Variants in ALMS1 observed in about 807,000 individuals in gnomAD.
The protein encoded by ALMS1 is ALMS1 centrosome and basal body associated protein, also known as centrosome-associated protein ALMS1.
Under a neutral mutation model 352.2 loss-of-function variants are expected in ALMS1, and 271 were observed. The ratio of observed to expected loss-of-function variants is 0.77; its 90% CI spans 0.70 to 0.85. The LOEUF (loss-of-function observed/expected upper bound fraction) is 0.85. Ranked by LOEUF, ALMS1 falls within the 40% of genes least tolerant of loss-of-function variation. ALMS1 has a pLI of 0.00. For missense variants in ALMS1, 5,445 were observed against 4,870.7 expected, an observed-to-expected ratio of 1.12 and a Z score of -3.51; for synonymous variants, 1,865 against 1,761.2, an observed-to-expected ratio of 1.06 and a Z score of -1.48.
chr2:73,597,802 A>C (rs1303217313), intron 16 of ALMS1, among the ~76,000 whole-genome samples: 1 of 149,790 alleles, frequency 6.7e-6, no homozygotes, highest in South Asian at 2.1e-4. Context: ...TTTTCCCTGC[A>C]TCAAAGTTGC....
chr2:73,557,486 A>G (rs1452914117), intron 14 of ALMS1, 132 bp downstream of exon 14: 2 of 1,165,090 alleles, frequency 1.7e-6, no homozygotes, highest in African/African-American at 1.5e-5. Context: ...TATCTCATGT[A>G]TATATGAAAT....
intron 1 of ALMS1, among the ~76,000 whole-genome samples, chr2:73,394,236 C>T (rs927790432): frequency 1.3e-5 from 2 of 152,180 alleles, no homozygotes; most frequent in Admixed American, 1.3e-4. Context: ...CTTGCAATTC[C>T]ATATGAATTT....
rs142988735 is a variant in ALMS1 at position 73,540,045 on chromosome 2, G to C, written c.9907+5096G>C. 5.8e-3 allele frequency among the ~76,000 whole-genome samples: 883 copies of C among 152,252 alleles called. 11 individuals are homozygous for C. Among genetic ancestry groups the C allele is most frequent in the African/African-American group, 0.02 (843 of 41,536 alleles). The stretch of plus-strand genomic sequence containing the variant: ...ATGCCACAAAGATGCTCCTCGAGAA[G>C]AGCAACTCCAAGACACATAATTGTC... On this transcript the variant is annotated intron_variant, in intron 12 of 22. Coordinates refer to ENST00000613296, the MANE Select transcript of ALMS1 (RefSeq NM_001378454.1).
chr2:73,418,095 A>G (rs1397133280), intron 2 of ALMS1, among the ~76,000 whole-genome samples: 1 of 152,050 alleles, frequency 6.6e-6, no homozygotes, highest in East Asian at 1.9e-4. Context: ...TAAGACTTTT[A>G]ATTTCATTTT....
intron 13 of ALMS1, among the ~76,000 whole-genome samples, chr2:73,554,596 C>G (rs1286747329): frequency 6.6e-6 from 1 of 151,772 alleles, no homozygotes; most frequent in Non-Finnish European, 1.5e-5. Flanking sequence ...GCCTGTAGTC[C>G]CAGCTACTCA....
chr2:73,538,778 C>T (rs969994428), intron 12 of ALMS1, among the ~76,000 whole-genome samples: 4 of 152,198 alleles, frequency 2.6e-5, no homozygotes, highest in Non-Finnish European at 2.9e-5. Flanking sequence ...CACGGAGCCT[C>T]GCTCATTGCT....
Position 73,487,408 on chromosome 2 carries a change from G to A in ALMS1, c.7675-2226G>A, listed in dbSNP as rs1672874893. Among the ~76,000 whole-genome samples, 9 of 152,312 alleles carry A rather than the reference G, an allele frequency of 5.9e-5. 1 individual carries two copies. In the South Asian group the frequency reaches 1.7e-3, roughly 28 times the overall value. The stretch of plus-strand genomic sequence containing the variant: ...AGCTGGACCAGATGTACTGTGCGTG[G>A]CTTCTGCTGTGGGCACCCACATCTG... On this transcript the variant is annotated intron_variant, in intron 9 of 22. Transcript: ENST00000613296.
At chr2:73,538,870 TA>T (rs1674093177) in intron 12 of ALMS1, among the ~76,000 whole-genome samples, 1 of 151,986 alleles carries the variant, frequency 6.6e-6, no homozygotes, top group African/African-American at 2.4e-5. Context: ...CTTGAGTAGG[TA>T]AACAAAGCGG....
rs967821523 is a variant in ALMS1 at position 73,554,821 on chromosome 2, C to T, written c.10079-2399C>T. Among the ~76,000 whole-genome samples the T allele has an allele frequency of 3.3e-4, 50 of 152,172 alleles. 1 individual carries two copies. The highest frequency in any genetic ancestry group is 2.4e-5 in the African/African-American group (1 of 41,426). Reference sequence around the variant, plus strand: ...ATATACACTTGCTTTTTGTAATTCACTGAACTCTTTATGTGCACGTTTTCC... The same window carrying T: ...ATATACACTTGCTTTTTGTAATTCATTGAACTCTTTATGTGCACGTTTTCC... On this transcript the variant is annotated intron_variant, in intron 13 of 22. Transcript: ENST00000613296.
In ALMS1 at chr2:73,559,117, A is replaced by G; in HGVS notation, c.10359A>G (p.Lys3453=). ...TVPEEAWPNN[K]ESLQINIEES... ...CCGAGGAAGCCTGGCCAAACAATAA[A>G]GAATCCCTACAGATCAATATTGAAG... Residue 3453 remains lysine (K), a synonymous_variant, in exon 15 of 23, where the codon AAA becomes AAG. Transcript: ENST00000613296. The G allele has an allele frequency of 1.2e-6, 2 of 1,613,870 alleles. No homozygotes were observed. Among genetic ancestry groups the G allele is most frequent in the Non-Finnish European group, 1.7e-6 (2 of 1,179,888 alleles).
At chr2:73,537,959 T>C (rs1048112943) in intron 12 of ALMS1, among the ~76,000 whole-genome samples, 20 of 152,212 alleles carry the variant, frequency 1.3e-4, no homozygotes, top group African/African-American at 4.8e-4. Context: ...TGAACTATGA[T>C]TGCGCCACTG....
At chr2:73,511,561 T>G (rs1392559410) in intron 10 of ALMS1, among the ~76,000 whole-genome samples, 2 of 152,180 alleles carry the variant, frequency 1.3e-5, no homozygotes, top group Non-Finnish European at 2.9e-5. Flanking sequence ...AGAAATCACC[T>G]GCCTTCTGCG....
At chr2:73,480,850 G>GT (rs1672685519) in intron 9 of ALMS1, among the ~76,000 whole-genome samples, 3 of 151,178 alleles carry the variant, frequency 2.0e-5, no homozygotes, top group Non-Finnish European at 4.4e-5. Flanking sequence ...TTTTTCATGT[G>GT]TTTTTTGTCT....
rs1491508985 is a variant in ALMS1, at chr2:73,385,936, AGG to A, written c.69_70del (p.Glu24GlyfsTer102). 2.7e-6 allele frequency: 3 copies of A among 1,130,512 alleles called. No individual in the cohort carries two copies. The African/African-American group carries it at 4.7e-5, about 18-fold the overall frequency. 70.0% of individuals were successfully genotyped at this position (1,130,512 alleles called of 1,614,324 possible). A position where few individuals can be genotyped will look rare whatever the true frequency, so the allele number is the denominator to read the frequency against. On this transcript the variant is annotated frameshift_variant, in exon 1 of 23. Transcript: ENST00000613296. LOFTEE classifies it high-confidence loss of function. ...GAGGAGGAGGAGGAGGAGGAGGAGG[AGG>A]AGGAAGAGGAGGAGGCTGCAGCGGC...
In ALMS1 at chr2:73,396,550, CTTTTTTTTT is replaced by C. The variant is rs60473435; in HGVS notation, c.324+10371_324+10379del. On this transcript the variant is annotated intron_variant, in intron 1 of 22. Coordinates refer to ENST00000613296, the MANE Select transcript of ALMS1 (RefSeq NM_001378454.1). ...AGGTTACATCAAATGGGTCTGAGCT[CTTTTTTTTT>C]TTTTTTTTTTTTGCAGGATGGGGCA... 3.2e-4 allele frequency among the ~76,000 whole-genome samples: 25 copies of C among 78,258 alleles called. No individual in the cohort carries two copies. The South Asian group carries it at 0.01, about 32-fold the overall frequency. 51.3% of individuals were successfully genotyped at this position (78,258 alleles called of 152,430 possible). A position where few individuals can be genotyped will look rare whatever the true frequency, so the allele number is the denominator to read the frequency against.
At chr2:73,414,546 C>T (rs1262165132) in intron 2 of ALMS1, among the ~76,000 whole-genome samples, 1 of 115,876 alleles carries the variant, frequency 8.6e-6, no homozygotes, top group Non-Finnish European at 1.7e-5. Context: ...ACTTGATCTA[C>T]TTTGTGTTCT....
rs1672958523 is a variant in ALMS1, at chr2:73,490,573, A to G, written c.8614A>G (p.Ile2872Val). The change falls in exon 10 of 23, where the codon ATA (isoleucine) becomes GTA (valine). Residue 2872 changes from isoleucine (I) to valine (V), a missense_variant. Coordinates refer to ENST00000613296, the MANE Select transcript of ALMS1 (RefSeq NM_001378454.1). ...AGGAGTAAAAGAGAAGAATGTAACT[A>G]TAACTCCAGATCTTCCTTCTTGCAT... ...RLGVKEKNVT[I>V]TPDLPSCIFL... is the part of the protein sequence containing the mutation. 1 of 1,614,224 alleles carries G rather than the reference A, an allele frequency of 6.2e-7. No individual in the cohort carries two copies. Among genetic ancestry groups the G allele is most frequent in the Non-Finnish European group, 8.5e-7 (1 of 1,180,026 alleles).
intron 16 of ALMS1, among the ~76,000 whole-genome samples, chr2:73,581,870 G>A (rs747354992): frequency 2.0e-5 from 3 of 151,056 alleles, no homozygotes; most frequent in South Asian, 2.1e-4. Flanking sequence ...TCAGCCTACC[G>A]AGTAGCTGGG....
At chr2:73,465,930 A>G (rs926279715) in intron 9 of ALMS1, among the ~76,000 whole-genome samples, 22 of 152,352 alleles carry the variant, frequency 1.4e-4, no homozygotes, top group African/African-American at 4.3e-4. Context: ...CAAAACCACA[A>G]TGAGATACCA....
Sources: allele counts gnomAD v4.1 joint callset (sites outside exome capture counted in the v4.1 genomes callset), GRCh38; gene constraint gnomAD v4.1.1; transcripts MANE v1.5; gene names NCBI Gene and HGNC (gene_info 2026-07-23, HGNC 2026-07-21).